The following SOS2 variants were observed in gnomAD, a reference collection of about 807,000 sequenced individuals.
The protein encoded by SOS2 is SOS Ras/Rho guanine nucleotide exchange factor 2, also known as son of sevenless homolog 2.
A neutral mutation model predicts 148.2 loss-of-function variants in SOS2; 65 were observed. That is an observed-to-expected ratio of 0.44 (90% confidence interval 0.36 to 0.54). SOS2 has a LOEUF of 0.54. SOS2 is among the 20% of genes least tolerant of loss of function. The pLI is 0.00. For synonymous variants in SOS2, 539 were observed against 537.1 expected, an observed-to-expected ratio of 1.00 and a Z score of -0.05; for missense variants, 1,341 against 1,590.2, an observed-to-expected ratio of 0.84 and a Z score of 2.67.
chr14:50,221,798 A>G (rs2139856708), intron 1 of SOS2, among the ~76,000 whole-genome samples: 1 of 152,274 alleles, frequency 6.6e-6, no homozygotes, highest in South Asian at 2.1e-4. Context: ...TGATCATGCC[A>G]CTGTACTCCA....
chr14:50,159,082 C>T (rs945597993), intron 10 of SOS2, among the ~76,000 whole-genome samples: 8 of 151,634 alleles, frequency 5.3e-5, no homozygotes, highest in Non-Finnish European at 8.8e-5. Flanking sequence ...CCCAGCTACT[C>T]GGGAGGCTGA....
At chr14:50,208,562 C>A (rs1371323622) in intron 1 of SOS2, among the ~76,000 whole-genome samples, 1 of 152,010 alleles carries the variant, frequency 6.6e-6, no homozygotes, top group African/African-American at 2.4e-5. Flanking sequence ...GCAGAAGAAT[C>A]GCTTGAACTG....
At chr14:50,230,258 T>C (rs1887498822) in intron 1 of SOS2, among the ~76,000 whole-genome samples, 1 of 152,226 alleles carries the variant, frequency 6.6e-6, no homozygotes, top group East Asian at 1.9e-4. Flanking sequence ...TTCCTTATTT[T>C]AGAATGTATT....
chr14:50,126,072 C>G (rs1363463649), intron 21 of SOS2, among the ~76,000 whole-genome samples: 1 of 152,150 alleles, frequency 6.6e-6, no homozygotes, highest in Non-Finnish European at 1.5e-5. Flanking sequence ...GATATAGATA[C>G]AGCACTTCCC....
At position 50,199,743 on chromosome 14, in the gene SOS2, C is replaced by T. The variant is rs779591050; in HGVS notation, c.458G>A (p.Arg153Gln). The change falls in exon 4 of 23, where the codon CGG (arginine) becomes CAG (glutamine). Residue 153 changes from arginine (R) to glutamine (Q), a missense_variant. Arg to Gln is a conservative substitution (Grantham distance 43, BLOSUM62 1). Around this residue, in one of 4 missense-constraint regions of SOS2, gnomAD observed 574 missense variants for 711.1 expected, o/e 0.81. Coordinates refer to ENST00000216373, the MANE Select transcript of SOS2 (RefSeq NM_006939.4). The part of the protein sequence containing the change: ...KLAGNYVFNI[R>Q]HYEISQQDIK... ...GTCCTGCTGAGATATTTCATAATGCCGGATATTAAAAACATAATTACCAGC... is the reference window on the plus strand; with the variant it reads ...GTCCTGCTGAGATATTTCATAATGCTGGATATTAAAAACATAATTACCAGC... The T allele has an allele frequency of 9.9e-6, 16 of 1,608,116 alleles. No homozygotes were observed. Among genetic ancestry groups the T allele is most frequent in the African/African-American group, 6.7e-5 (5 of 74,632 alleles).
chr14:50,231,001 C>A, intron 1 of SOS2, 196 bp downstream of exon 1: 1 of 783,698 alleles, frequency 1.3e-6, no homozygotes, highest in Non-Finnish European at 1.7e-6. Flanking sequence ...AACCTTCCTT[C>A]CGGGACCAGG....
At chr14:50,161,360 A>T in intron 9 of SOS2, 122 bp downstream of exon 9, 5 of 779,776 alleles carry the variant, frequency 6.4e-6, no homozygotes. Context: ...AGTATATAAA[A>T]GTATGACAAG....
rs144846115 is a variant in SOS2, at chr14:50,188,402, C to T, written c.714+95G>A. ...CAGCCTGGGCAACAGAGCAAGACTC[C>T]GTCTCAAAAAAATAAAAAAAAGTGA... On this transcript the variant is annotated intron_variant, in intron 5 of 22. Coordinates refer to ENST00000216373, the MANE Select transcript of SOS2 (RefSeq NM_006939.4). 4.6e-3 allele frequency: 3,734 copies of T among 820,320 alleles called. 35 individuals carry two copies. The highest frequency in any genetic ancestry group is 0.028 in the African/African-American group (1,582 of 56,848). 50.8% of individuals were successfully genotyped at this position (820,320 alleles called of 1,614,324 possible).
At chr14:50,214,313 T>TA (rs764391879) in intron 1 of SOS2, among the ~76,000 whole-genome samples, 4,776 of 144,100 alleles carry the variant, frequency 0.033, 136 homozygotes, top group African/African-American at 0.081. Flanking sequence ...GGACCAATAA[T>TA]AAAAAAAAAA....
At chr14:50,172,449 G>A (rs1249209794) in intron 8 of SOS2, among the ~76,000 whole-genome samples, 4 of 68,744 alleles carry the variant, frequency 5.8e-5, no homozygotes, top group Non-Finnish European at 7.6e-5. Flanking sequence ...ATGGAGTCTC[G>A]CTCTGTTGTC....
At chr14:50,227,247 CTT>C (rs71118857) in intron 1 of SOS2, among the ~76,000 whole-genome samples, 1 of 121,624 alleles carries the variant, frequency 8.2e-6, no homozygotes, top group Non-Finnish European at 1.6e-5. Flanking sequence ...TTCTTTCTTT[CTT>C]TTTTTTTTTT....
chr14:50,194,866 C>G (rs1477415265), intron 4 of SOS2, among the ~76,000 whole-genome samples: 1 of 151,702 alleles, frequency 6.6e-6, no homozygotes, highest in Non-Finnish European at 1.5e-5. Flanking sequence ...TCTCGGCTCA[C>G]TGCAACCTCC....
At chr14:50,143,255 T>A (rs1288860569) in intron 16 of SOS2, among the ~76,000 whole-genome samples, 1 of 150,096 alleles carries the variant, frequency 6.7e-6, no homozygotes, top group Non-Finnish European at 1.5e-5. Context: ...AGCCCAGGAG[T>A]TCGAGACTGC....
At chr14:50,128,457 A>G (rs943417262) in intron 21 of SOS2, among the ~76,000 whole-genome samples, 4 of 152,204 alleles carry the variant, frequency 2.6e-5, no homozygotes, top group African/African-American at 9.7e-5. Context: ...TCTAAACATT[A>G]ATGAGGCAAT....
intron 1 of SOS2, among the ~76,000 whole-genome samples, chr14:50,226,334 C>T (rs907946569): frequency 5.3e-5 from 8 of 152,186 alleles, no homozygotes; most frequent in Non-Finnish European, 7.3e-5. Context: ...CTTTGACTCT[C>T]ATATATCAAT....
At chr14:50,201,388 C>T (rs1261351588) in intron 2 of SOS2, among the ~76,000 whole-genome samples, 5 of 151,612 alleles carry the variant, frequency 3.3e-5, no homozygotes, top group East Asian at 1.9e-4. Flanking sequence ...AAAATTAGCC[C>T]GGCATGGTGG....
At chr14:50,153,001 A>T in intron 13 of SOS2, 69 bp downstream of exon 13, 1 of 747,270 alleles carries the variant, frequency 1.3e-6, no homozygotes, top group Non-Finnish European at 2.2e-6. Context: ...TTAGTTTCTT[A>T]AAGTCACACA....
chr14:50,152,977 G>T, intron 13 of SOS2, 93 bp downstream of exon 13: 1 of 599,242 alleles, frequency 1.7e-6, no homozygotes, highest in Non-Finnish European at 2.9e-6. Context: ...AAAAAAAAAA[G>T]AGAGAGAAAT....
intron 4 of SOS2, among the ~76,000 whole-genome samples, chr14:50,197,644 G>A (rs2139771625): frequency 6.6e-6 from 1 of 150,648 alleles, no homozygotes; most frequent in East Asian, 1.9e-4. Flanking sequence ...AGTGGTCCCT[G>A]TGCCTATTGC....
Sources: gnomAD v4.1 joint callset for allele counts (sites outside exome capture counted in the v4.1 genomes callset) on GRCh38, gnomAD v4.1.1 for gene constraint, gnomAD v4.1.1 regional missense constraint, MANE v1.5 for transcripts, NCBI Gene and HGNC (gene_info 2026-07-23, HGNC 2026-07-21) for gene names.